Variants in MTUS2 observed in about 807,000 individuals in gnomAD.
The protein encoded by MTUS2 is microtubule-associated tumor suppressor candidate 2.
MTUS2 carries 40 observed loss-of-function variants against 114.1 expected under a neutral mutation model. The observed-to-expected ratio is 0.35, with a 90% confidence interval of 0.27 to 0.46. MTUS2 has a LOEUF of 0.46. MTUS2 is among the 20% of genes least tolerant of loss of function. MTUS2 has a pLI of 1.00. For missense variants in MTUS2, 1,679 were observed against 1,705.4 expected (o/e 0.98, Z 0.27); for synonymous variants, 688 against 672.0 (o/e 1.02, Z -0.37).
At position 28,965,816 on chromosome 13, in the gene MTUS2, G is replaced by A. The variant is rs576662891; in HGVS notation, c.-242-58641G>A. On this transcript the variant is annotated intron_variant, in intron 2 of 15. Coordinates refer to ENST00000612955, the MANE Select transcript of MTUS2 (RefSeq NM_001033602.4). ...AGGACCTCAATCTTTTTCTCTGAAG[G>A]CAGTCAACTGATTGGATGTGGCTCA... Among the ~76,000 whole-genome samples the A allele has an allele frequency of 2.4e-4, 36 of 152,248 alleles. No individual in the cohort carries two copies. In the South Asian group the frequency reaches 7.5e-3, roughly 32 times the overall value.
At chr13:29,069,233 G>A (rs995443391) in intron 4 of MTUS2, among the ~76,000 whole-genome samples, 5 of 152,304 alleles carry the variant, frequency 3.3e-5, no homozygotes, top group African/African-American at 9.6e-5. Context: ...TCTGCTGTCT[G>A]CAAGGTGGAG....
chr13:29,085,133 G>A (rs796691226), intron 4 of MTUS2, among the ~76,000 whole-genome samples: 1 of 152,096 alleles, frequency 6.6e-6, no homozygotes, highest in South Asian at 2.1e-4. Context: ...TGACATGCAG[G>A]CTTCCCTTTA....
chr13:28,885,292 C>T (rs903867846), intron 2 of MTUS2, among the ~76,000 whole-genome samples: 2 of 152,110 alleles, frequency 1.3e-5, no homozygotes, highest in Admixed American at 1.3e-4. Context: ...AACTCGATAC[C>T]AAGAGGTCAG....
At chr13:29,326,184 G>C (rs1593305854) in intron 7 of MTUS2, among the ~76,000 whole-genome samples, 1 of 152,178 alleles carries the variant, frequency 6.6e-6, no homozygotes, top group African/African-American at 2.4e-5. Flanking sequence ...CCAGCTCTGA[G>C]GGAAGCCGAG....
intron 8 of MTUS2, among the ~76,000 whole-genome samples, chr13:29,392,136 A>AAG (rs1475982130): frequency 1.5e-5 from 1 of 64,982 alleles, no homozygotes; most frequent in Non-Finnish European, 3.3e-5. Context: ...TCAAAAAAAA[A>AAG]AAAACAAACC....
intron 2 of MTUS2, among the ~76,000 whole-genome samples, chr13:28,984,058 C>T (rs576921358): frequency 1.3e-5 from 2 of 152,312 alleles, no homozygotes; most frequent in African/African-American, 4.8e-5. Context: ...CAACAGATTC[C>T]ACTTTCCCTT....
chr13:29,042,056 G>A (rs763102333), intron 4 of MTUS2, among the ~76,000 whole-genome samples: 10 of 152,124 alleles, frequency 6.6e-5, no homozygotes, highest in Non-Finnish European at 1.3e-4. Flanking sequence ...TTCTCAGAGG[G>A]AATGCTTTTA....
intron 8 of MTUS2, among the ~76,000 whole-genome samples, chr13:29,383,217 A>AGTGTGTGTGT (rs1297604822): frequency 1.9e-5 from 2 of 105,568 alleles, no homozygotes; most frequent in African/African-American, 6.0e-5. Flanking sequence ...AGGAAAATTG[A>AGTGTGTGTGT]GTGTGTGTGT....
chr13:29,257,169 A>T (rs1049189268), intron 5 of MTUS2, among the ~76,000 whole-genome samples: 2 of 151,734 alleles, frequency 1.3e-5, no homozygotes, highest in African/African-American at 4.8e-5. Flanking sequence ...ATTCAAATCC[A>T]TTTTCCCACT....
At chr13:28,920,806 G>T (rs1881000735) in intron 2 of MTUS2, among the ~76,000 whole-genome samples, 1 of 152,234 alleles carries the variant, frequency 6.6e-6, no homozygotes, top group Non-Finnish European at 1.5e-5. Context: ...TCCATAGGCA[G>T]AGGAGCCTCT....
At chr13:29,407,658 T>C (rs1257413472) in intron 8 of MTUS2, among the ~76,000 whole-genome samples, 1 of 151,950 alleles carries the variant, frequency 6.6e-6, no homozygotes, top group African/African-American at 2.4e-5. Flanking sequence ...TTTGTTTTTT[T>C]AGTAGAGATG....
At chr13:29,440,173 A>G (rs1877726082) in intron 9 of MTUS2, 124 bp downstream of exon 9, 5 of 896,290 alleles carry the variant, frequency 5.6e-6, no homozygotes, top group Non-Finnish European at 8.7e-6. Flanking sequence ...TGAATGAAGT[A>G]TCTCACCCAG....
intron 9 of MTUS2, among the ~76,000 whole-genome samples, chr13:29,470,389 AT>A (rs1199480819): frequency 1.3e-5 from 2 of 152,174 alleles, no homozygotes; most frequent in Non-Finnish European, 2.9e-5. Context: ...CCACTGTAAG[AT>A]TACTGTCTGT....
intron 7 of MTUS2, among the ~76,000 whole-genome samples, chr13:29,354,155 G>A (rs966077691): frequency 9.3e-5 from 14 of 150,680 alleles, no homozygotes; most frequent in African/African-American, 3.4e-4. Flanking sequence ...GACTCACCTT[G>A]TTTGTTTTCT....
chr13:28,946,302 T>TGC (rs1555276632), intron 2 of MTUS2, among the ~76,000 whole-genome samples: 15 of 108,872 alleles, frequency 1.4e-4, no homozygotes, highest in Non-Finnish European at 2.0e-4. Context: ...TGTGTGTGTG[T>TGC]GTGCGCGCGC....
intron 8 of MTUS2, among the ~76,000 whole-genome samples, chr13:29,434,005 C>T (rs1877221535): frequency 6.6e-6 from 1 of 152,114 alleles, no homozygotes; most frequent in East Asian, 1.9e-4. Context: ...GCCCAGCTCA[C>T]AGGGTTGGAT....
intron 5 of MTUS2, among the ~76,000 whole-genome samples, chr13:29,142,099 A>G (rs1892248053): frequency 6.6e-6 from 1 of 151,960 alleles, no homozygotes; most frequent in South Asian, 2.1e-4. Context: ...TGACCTCATG[A>G]TCCGCCCGCC....
chr13:28,912,552 T>G (rs1593294894), intron 2 of MTUS2, among the ~76,000 whole-genome samples: 1 of 152,138 alleles, frequency 6.6e-6, no homozygotes, highest in Non-Finnish European at 1.5e-5. Flanking sequence ...TTGTGAAGAA[T>G]GTCAATGGTA....
chr13:29,129,340 A>G (rs1401197869), intron 5 of MTUS2, among the ~76,000 whole-genome samples: 1 of 151,880 alleles, frequency 6.6e-6, no homozygotes, highest in Non-Finnish European at 1.5e-5. Context: ...TTTTTTTCAT[A>G]ATTGCATTTA....
Sources: gnomAD v4.1 joint callset for allele counts (sites outside exome capture counted in the v4.1 genomes callset) on GRCh38, gnomAD v4.1.1 for gene constraint, MANE v1.5 for transcripts, NCBI Gene and HGNC (gene_info 2026-07-23, HGNC 2026-07-21) for gene names.